The following ZNF232 variants were observed in gnomAD, a reference collection of about 807,000 sequenced individuals.
The protein encoded by ZNF232 is zinc finger protein 232.
ZNF232 carries 25 observed loss-of-function variants against 25.2 expected under a neutral mutation model. That is an observed-to-expected ratio of 0.99 (90% CI 0.72 to 1.39). The LOEUF (loss-of-function observed/expected upper bound fraction) is 1.39. Among genes scored for constraint, ZNF232 ranks in the 40% most tolerant of loss-of-function variants. The pLI is 0.00. For missense variants in ZNF232, 519 were observed against 520.9 expected, an observed-to-expected ratio of 1.00 and a Z score of 0.04; for synonymous variants, 193 against 182.9, an observed-to-expected ratio of 1.06 and a Z score of -0.45.
At chr17:5,111,123 A>G (rs910929675) in intron 1 of ZNF232, 4 of 152,286 alleles carry the variant, frequency 2.6e-5, no homozygotes, top group African/African-American at 9.7e-5. Context: ...GGGTGGAGGA[A>G]CGATTTCTAG....
At chr17:5,107,110 C>T (rs887558463) in intron 3 of ZNF232, among the ~76,000 whole-genome samples, 1 of 151,770 alleles carries the variant, frequency 6.6e-6, no homozygotes, top group Non-Finnish European at 1.5e-5. Flanking sequence ...AGTGTGTTGC[C>T]GGGCGTGGTG....
At chr17:5,107,932 C>T (rs1056904629) in intron 3 of ZNF232, among the ~76,000 whole-genome samples, 3 of 151,136 alleles carry the variant, frequency 2.0e-5, no homozygotes, top group African/African-American at 7.3e-5. Flanking sequence ...AAAAATCACA[C>T]AATAGCTAGC....
intron 1 of ZNF232, chr17:5,120,487 G>T (rs543834882): frequency 1.5e-5 from 5 of 323,912 alleles, no homozygotes; most frequent in South Asian, 1.3e-4. Context: ...CACCTTCAGG[G>T]TGAGGAGCTG....
At chr17:5,122,388 G>T (rs1410961785) in intron 1 of ZNF232, among the ~76,000 whole-genome samples, 2 of 152,170 alleles carry the variant, frequency 1.3e-5, no homozygotes, top group Non-Finnish European at 2.9e-5. Flanking sequence ...TTTGCAGGTG[G>T]GAAGGGTGAT....
upstream of ZNF232, chr17:5,113,673 C>G (rs1396087160): frequency 6.6e-6 from 1 of 152,198 alleles, no homozygotes; most frequent in Non-Finnish European, 1.5e-5. Flanking sequence ...ATGTGAAAAC[C>G]TCAAGTCCAT....
chr17:5,107,261 G>A (rs1267744949), intron 3 of ZNF232, among the ~76,000 whole-genome samples: 4 of 151,270 alleles, frequency 2.6e-5, no homozygotes, highest in African/African-American at 9.7e-5. Flanking sequence ...GATGGCGGGC[G>A]CCTGTAGTCC....
In ZNF232 at chr17:5,106,468, A is replaced by C. The variant is rs1205161438; in HGVS notation, c.664T>G (p.Ser222Ala). The C allele has an allele frequency of 2.4e-5, 38 of 1,614,112 alleles. No individual in the cohort carries two copies. The highest frequency in any genetic ancestry group is 3.1e-5 in the Non-Finnish European group (36 of 1,180,050). ...TCAGTAATGGGTGGTTGTGGCAATG[A>C]TCCTTTGTCCTTGGGCTCTGGGCCA... The change falls in exon 4 of 4, where the codon TCA (serine) becomes GCA (alanine). Residue 222 changes from serine to alanine, a missense_variant. Ser to Ala is a moderately conservative substitution (Grantham distance 99). Transcript: ENST00000575898.
upstream of ZNF232, chr17:5,111,998 G>A (rs375945760): frequency 5.3e-6 from 5 of 948,750 alleles, no homozygotes; most frequent in African/African-American, 5.1e-5. Flanking sequence ...CCCGGGAACC[G>A]GTTCCTGGAC....
Position 5,106,214 on chromosome 17 carries a change from G to A in ZNF232, c.918C>T (p.Asn306=), listed in dbSNP as rs1273285824. ...CTCTCTGGTGGACAACAAGATGTGA[G>A]TTATAAATGAAGGTTTTACCACATT... Residue 306 remains asparagine (N), a synonymous_variant, in exon 4 of 4, where the codon AAC becomes AAT. Coordinates refer to ENST00000575898, the Ensembl canonical transcript of ZNF232. 1.9e-6 allele frequency: 3 copies of A among 1,614,244 alleles called. No homozygotes were observed. The South Asian group carries it at 3.3e-5, about 18-fold the overall frequency.
At chr17:5,108,167 A>AG in intron 3 of ZNF232, among the ~76,000 whole-genome samples, 1 of 147,806 alleles carries the variant, frequency 6.8e-6, no homozygotes, top group South Asian at 2.8e-4. Flanking sequence ...GGTGATAGTG[A>AG]TGGGGGGGCA....
chr17:5,120,785 C>G, intron 1 of ZNF232: 1 of 448,308 alleles, frequency 2.2e-6, no homozygotes, highest in Non-Finnish European at 4.5e-6. Flanking sequence ...GTTTCTTCAG[C>G]ATGGTGGGTG....
chr17:5,107,093 G>GA lies in ZNF232; in HGVS notation c.626-588dup, dbSNP rs144062887. ...TCTGCCTTTCTCTTCCTTAAAAAGG[G>GA]AAAAAGAGTGTGTTGCCGGGCGTGG... On this transcript the variant is annotated intron_variant, in intron 3 of 3. Transcript: ENST00000575898. Among the ~76,000 whole-genome samples, 1,138 of 151,792 alleles carry GA rather than the reference G, an allele frequency of 7.5e-3. 20 individuals are homozygous for GA. The highest frequency in any genetic ancestry group is 0.026 in the African/African-American group (1,057 of 41,360).
chr17:5,105,859 G>T (rs140948391), exon 4 of ZNF232: 2 of 1,607,816 alleles, frequency 1.2e-6, no homozygotes, highest in South Asian at 2.2e-5. Context: ...TGAACTCTCC[G>T]ATGTCTAATG....
chr17:5,109,358 T>G, intron 2 of ZNF232, 36 bp downstream of exon 2: 2 of 1,612,370 alleles, frequency 1.2e-6, no homozygotes, highest in Non-Finnish European at 1.7e-6. Context: ...AGGTCATCAA[T>G]CTGGCTCCCA....
rs749757172 is a variant in ZNF232, at chr17:5,105,925, C to T, written c.1207G>A (p.Glu403Lys). 1.3e-5 allele frequency: 21 copies of T among 1,614,066 alleles called. No individual in the cohort carries two copies. Among genetic ancestry groups the T allele is most frequent in the African/African-American group, 2.7e-5 (2 of 74,926 alleles). ...CATTCTTTACATATAAAAGGTTTCT[C>T]TCCACTGTGAATTCTCCGATGCTGA... Residue 403 changes from glutamate (E) to lysine (K), a missense_variant, in exon 4 of 4, where the codon GAG becomes AAG. By Grantham distance (56) the Glu-to-Lys change is moderately conservative. Coordinates refer to ENST00000575898, the Ensembl canonical transcript of ZNF232.
At chr17:5,122,698 G>T (rs1209921745) in intron 1 of ZNF232, among the ~76,000 whole-genome samples, 1 of 152,204 alleles carries the variant, frequency 6.6e-6, no homozygotes, top group Non-Finnish European at 1.5e-5. Flanking sequence ...AGCTGCCCGC[G>T]CCTAAGCTCC....
At chr17:5,122,513 G>A (rs2072712504) in intron 1 of ZNF232, among the ~76,000 whole-genome samples, 1 of 152,240 alleles carries the variant, frequency 6.6e-6, no homozygotes, top group South Asian at 2.1e-4. Context: ...GCGGCCCGGC[G>A]GTCCTCTTAG....
chr17:5,106,587 A>G (rs2072266815), intron 3 of ZNF232, 54 bp from the exon 4 acceptor site: 1 of 1,442,302 alleles, frequency 6.9e-7, no homozygotes, highest in African/African-American at 1.4e-5. Context: ...CTGGAATGAA[A>G]ACAAATGCTT....
At chr17:5,107,779 C>G (rs997752040) in intron 3 of ZNF232, among the ~76,000 whole-genome samples, 1 of 152,124 alleles carries the variant, frequency 6.6e-6, no homozygotes, top group Non-Finnish European at 1.5e-5. Context: ...AAGTGATCCA[C>G]CTGCCTTAGC....
Sources: allele counts gnomAD v4.1 joint callset (sites outside exome capture counted in the v4.1 genomes callset), GRCh38; gene constraint gnomAD v4.1.1; transcripts MANE v1.5; gene names NCBI Gene and HGNC (gene_info 2026-07-23, HGNC 2026-07-21).